DIS3L2: variants seen among roughly 807,000 people sequenced by gnomAD.
DIS3L2 encodes DIS3-like exonuclease 2.
Under a neutral mutation model 97.5 loss-of-function variants are expected in DIS3L2, and 34 were observed. The observed-to-expected ratio is 0.35, with a 90% CI of 0.27 to 0.46. DIS3L2 has a LOEUF of 0.46. DIS3L2 is among the 20% of genes least tolerant of loss of function. The pLI is 1.00. For missense variants in DIS3L2, 1,038 were observed against 1,146.0 expected, an observed-to-expected ratio of 0.91 and a Z score of 1.36; for synonymous variants, 435 against 445.2, an observed-to-expected ratio of 0.98 and a Z score of 0.29.
chr2:232,255,178 C>T (rs565914604), intron 12 of DIS3L2, among the ~76,000 whole-genome samples: 6 of 152,324 alleles, frequency 3.9e-5, no homozygotes, highest in East Asian at 3.9e-4. Context: ...AGAAGGCCAA[C>T]GGGCAAGGGG....
chr2:232,039,814 A>C (rs1233796059), intron 5 of DIS3L2, among the ~76,000 whole-genome samples: 1 of 152,174 alleles, frequency 6.6e-6, no homozygotes, highest in Non-Finnish European at 1.5e-5. Flanking sequence ...CTCTTGACTT[A>C]CAGCTTAATA....
chr2:232,294,995 T>A (rs1205225646), intron 13 of DIS3L2, among the ~76,000 whole-genome samples: 1 of 152,204 alleles, frequency 6.6e-6, no homozygotes, highest in East Asian at 1.9e-4. Flanking sequence ...CTGGTCCATA[T>A]GCTGCCGTAT....
chr2:232,272,376 A>T (rs1275483741), intron 13 of DIS3L2, among the ~76,000 whole-genome samples: 1 of 152,232 alleles, frequency 6.6e-6, no homozygotes, highest in African/African-American at 2.4e-5. Flanking sequence ...CACCAATAAG[A>T]TAAAAGCAAG....
chr2:232,094,718 C>CAA (rs59253625), intron 6 of DIS3L2, among the ~76,000 whole-genome samples: 51,072 of 111,042 alleles, frequency 0.46, 13,767 homozygotes, highest in Non-Finnish European at 0.6. Context: ...GACTCCATCT[C>CAA]AAAAAAAAAA....
intron 6 of DIS3L2, among the ~76,000 whole-genome samples, chr2:232,094,417 G>A (rs1696938017): frequency 6.6e-6 from 1 of 152,086 alleles, no homozygotes. Flanking sequence ...AAAATGGGGT[G>A]TTGAAATCTC....
At chr2:232,335,659 G>A in intron 19 of DIS3L2, 114 bp from the exon 20 acceptor site, 1 of 1,203,902 alleles carries the variant, frequency 8.3e-7, no homozygotes, top group Non-Finnish European at 1.2e-6. Context: ...GCCAGGCAAG[G>A]GTGGGCCAGG....
chr2:232,185,283 A>G (rs1421370840), intron 9 of DIS3L2, among the ~76,000 whole-genome samples: 1 of 152,250 alleles, frequency 6.6e-6, no homozygotes, highest in Non-Finnish European at 1.5e-5. Flanking sequence ...CTAGAAATCC[A>G]TAACAGGACA....
intron 1 of DIS3L2, among the ~76,000 whole-genome samples, chr2:231,966,675 T>C (rs963869825): frequency 9.0e-6 from 1 of 110,810 alleles, no homozygotes. Context: ...TTTTTTTTTT[T>C]GTGGAGACAG....
intron 1 of DIS3L2, among the ~76,000 whole-genome samples, chr2:232,005,742 TC>T (rs1694036348): frequency 6.6e-6 from 1 of 152,248 alleles, no homozygotes; most frequent in African/African-American, 2.4e-5. Context: ...AAGTCATTTT[TC>T]TGGCTTTGAT....
At chr2:232,075,120 A>G (rs1260241871) in intron 5 of DIS3L2, among the ~76,000 whole-genome samples, 5 of 152,176 alleles carry the variant, frequency 3.3e-5, no homozygotes, top group Non-Finnish European at 7.3e-5. Context: ...ACTCCTGTGG[A>G]TGATTTCCTT....
chr2:232,305,435 C>T (rs750099910), intron 14 of DIS3L2, among the ~76,000 whole-genome samples: 20 of 151,976 alleles, frequency 1.3e-4, no homozygotes, highest in Non-Finnish European at 2.2e-4. Flanking sequence ...TTTGAAAATC[C>T]GCCTATTACT....
intron 8 of DIS3L2, among the ~76,000 whole-genome samples, chr2:232,148,164 C>T (rs900929690): frequency 6.6e-6 from 1 of 151,776 alleles, no homozygotes; most frequent in Non-Finnish European, 1.5e-5. Flanking sequence ...ATTCTCCTGC[C>T]TCAACCTCCC....
chr2:232,240,614 G>A (rs1693054207), intron 11 of DIS3L2, among the ~76,000 whole-genome samples: 1 of 152,204 alleles, frequency 6.6e-6, no homozygotes, highest in African/African-American at 2.4e-5. Flanking sequence ...GTCCCTCCCT[G>A]ACCTCTGTGG....
chr2:232,267,737 G>C (rs1295471280), intron 13 of DIS3L2, among the ~76,000 whole-genome samples: 3 of 152,184 alleles, frequency 2.0e-5, no homozygotes, highest in African/African-American at 7.2e-5. Context: ...TAGACTTTGA[G>C]AGTAGGGGTC....
chr2:232,008,242 G>A (rs1295895365), intron 1 of DIS3L2, among the ~76,000 whole-genome samples: 1 of 144,766 alleles, frequency 6.9e-6, no homozygotes, highest in African/African-American at 2.6e-5. Context: ...TGCTGTGGCT[G>A]TTCTCAAACT....
intron 14 of DIS3L2, among the ~76,000 whole-genome samples, chr2:232,316,197 C>A (rs1441510977): frequency 6.6e-6 from 1 of 152,120 alleles, no homozygotes; most frequent in Non-Finnish European, 1.5e-5. Context: ...CCAGCACAGC[C>A]TTTGTTGTTC....
chr2:232,314,810 C>T (rs1277619962), intron 14 of DIS3L2, among the ~76,000 whole-genome samples: 2 of 152,184 alleles, frequency 1.3e-5, no homozygotes, highest in African/African-American at 4.8e-5. Context: ...TGACTCGGAG[C>T]TCTTTGATTT....
chr2:232,078,378 T>TC (rs967082069), intron 5 of DIS3L2, among the ~76,000 whole-genome samples: 8 of 151,724 alleles, frequency 5.3e-5, no homozygotes, highest in Non-Finnish European at 7.4e-5. Flanking sequence ...GATATGCCCT[T>TC]CCCCCCCGCC....
At chr2:232,256,187 G>C (rs1206445913) in intron 12 of DIS3L2, among the ~76,000 whole-genome samples, 2 of 152,186 alleles carry the variant, frequency 1.3e-5, no homozygotes, top group African/African-American at 2.4e-5. Flanking sequence ...GTTCTTTTCT[G>C]CCTGTCTTCT....
Sources: allele counts gnomAD v4.1 joint callset (sites outside exome capture counted in the v4.1 genomes callset), GRCh38; gene constraint gnomAD v4.1.1; transcripts MANE v1.5; gene names NCBI Gene and HGNC (gene_info 2026-07-23, HGNC 2026-07-21).